The following FN1 variants were observed in gnomAD, a reference collection of about 807,000 sequenced individuals.
The protein encoded by FN1 is fibronectin 1.
Under a neutral mutation model 297.3 loss-of-function variants are expected in FN1, and 106 were observed. The observed-to-expected ratio is 0.36, with a 90% CI of 0.30 to 0.42. The LOEUF is 0.42. FN1 is among the 10% of genes least tolerant of loss of function. The pLI is 1.00. For synonymous variants in FN1, 1,149 were observed against 1,152.6 expected (o/e 1.00, Z 0.06); for missense variants, 2,690 against 3,124.9 (o/e 0.86, Z 3.32).
intron 26 of FN1, among the ~76,000 whole-genome samples, chr2:215,391,092 TCA>T (rs2059655411): frequency 6.6e-6 from 1 of 152,356 alleles, no homozygotes; most frequent in South Asian, 2.1e-4. Context: ...TTCTAAGCTC[TCA>T]GTCTTCTGAG....
At chr2:215,399,784 T>C (rs2106174850) in intron 20 of FN1, among the ~76,000 whole-genome samples, 1 of 152,308 alleles carries the variant, frequency 6.6e-6, no homozygotes, top group Admixed American at 6.5e-5. Flanking sequence ...ATATCGTCAG[T>C]GTAAAATCCC....
Position 215,397,743 on chromosome 2 carries a change from T to A in FN1, c.3454A>T (p.Thr1152Ser). 1 of 1,613,692 alleles carries A rather than the reference T, an allele frequency of 6.2e-7. No homozygotes were observed. The highest frequency in any genetic ancestry group is 8.5e-7 in the Non-Finnish European group (1 of 1,179,566). ...GLTPGVEYVY[T>S]IQVLRDGQER... ...TGTCCATCTCTCAGGACTTGGATGGTGTAGACGTATTCTACTCCTGGAGTC... is the reference window on the plus strand; with the variant it reads ...TGTCCATCTCTCAGGACTTGGATGGAGTAGACGTATTCTACTCCTGGAGTC... The change falls in exon 22 of 46, where the codon ACC (threonine) becomes TCC (serine). Residue 1152 changes from threonine (T) to serine (S), a missense_variant. Thr to Ser is a moderately conservative substitution (Grantham distance 58, BLOSUM62 1). Transcript: ENST00000354785.
At position 215,409,965 on chromosome 2, in the gene FN1, G is replaced by A. The variant is rs149878788; in HGVS notation, c.2091C>T (p.Phe697=). ...YGHQEVTRFD[F]TTTSTSTPVT... ...CAGGTGTGCTGGTGCTGGTGGTGGT[G>A]AAGTCAAAGCGAGTCACTTCTTGGT... The change falls in exon 14 of 46, where the codon TTC becomes TTT. Residue 697 remains phenylalanine (F), a synonymous_variant. Coordinates refer to ENST00000354785, the MANE Select transcript of FN1 (RefSeq NM_212482.4). 115 of 1,613,798 alleles carry A rather than the reference G, an allele frequency of 7.1e-5. No homozygotes were observed. The highest frequency in any genetic ancestry group is 1.7e-4 in the Middle Eastern group (1 of 5,952).
At chr2:215,407,967 C>G (rs1298441063) in intron 17 of FN1, 141 bp downstream of exon 17, 6 of 684,148 alleles carry the variant, frequency 8.8e-6, no homozygotes, top group Non-Finnish European at 1.6e-5. Flanking sequence ...CACACACACA[C>G]ACACACACAC....
intron 26 of FN1, among the ~76,000 whole-genome samples, chr2:215,391,237 C>CT (rs921254947): frequency 1.3e-5 from 2 of 152,106 alleles, no homozygotes; most frequent in East Asian, 3.9e-4. Flanking sequence ...ACTGCTGACA[C>CT]TTTTTTTATA....
intron 13 of FN1, among the ~76,000 whole-genome samples, chr2:215,411,430 C>A (rs1285373201): frequency 6.6e-6 from 1 of 152,202 alleles, no homozygotes; most frequent in African/African-American, 2.4e-5. Context: ...GTACTCTTCA[C>A]AGTGAAATTT....
chr2:215,414,580 TA>T, intron 13 of FN1: 1 of 714,818 alleles, frequency 1.4e-6, no homozygotes, highest in Middle Eastern at 4.7e-4. Flanking sequence ...AAGATTTCTG[TA>T]ACATAAAGAG....
chr2:215,381,170 C>T, intron 32 of FN1, 90 bp from the exon 33 acceptor site: 3 of 1,315,204 alleles, frequency 2.3e-6, no homozygotes, highest in Non-Finnish European at 3.3e-6. Flanking sequence ...TTGCAGATAC[C>T]ATTTTCTTTG....
chr2:215,411,902 C>T (rs1157195856), intron 13 of FN1, among the ~76,000 whole-genome samples: 4 of 152,032 alleles, frequency 2.6e-5, no homozygotes, highest in Non-Finnish European at 5.9e-5. Flanking sequence ...CTCTTGACCT[C>T]GTGATCCGCC....
rs76059988 is a variant in FN1 at position 215,394,980 on chromosome 2, T to C, written c.3605-261A>G. 7.7e-3 allele frequency among the ~76,000 whole-genome samples: 1,172 copies of C among 152,284 alleles called. 16 individuals carry two copies. Among genetic ancestry groups the C allele is most frequent in the African/African-American group, 0.027 (1,118 of 41,546 alleles). ...GTGCAGCGGTGTGATCTTGGCTCACTTCAACCTCCGCCAAGATCCTCACTT... is the reference window on the plus strand; with the variant it reads ...GTGCAGCGGTGTGATCTTGGCTCACCTCAACCTCCGCCAAGATCCTCACTT... On this transcript the variant is annotated intron_variant, in intron 23 of 45. Coordinates refer to ENST00000354785, the MANE Select transcript of FN1 (RefSeq NM_212482.4).
Position 215,435,937 on chromosome 2 carries a change from G to C in FN1, c.-135C>G. 6.9e-7 allele frequency: 1 copy of C among 1,442,074 alleles called. No individual in the cohort carries two copies. Among genetic ancestry groups the C allele is most frequent in the Non-Finnish European group, 9.1e-7 (1 of 1,099,488 alleles). 89.3% of individuals were successfully genotyped at this position (1,442,074 alleles called of 1,614,324 possible). On this transcript the variant is annotated 5_prime_UTR_variant, in exon 1 of 46. Coordinates refer to ENST00000354785, the MANE Select transcript of FN1 (RefSeq NM_212482.4). ...CGCCTCCAAGAAGGTGGGGGCCAGAGGGTGGGGAAGGGGACGGGTGGAGGG... is the reference window on the plus strand; with the variant it reads ...CGCCTCCAAGAAGGTGGGGGCCAGACGGTGGGGAAGGGGACGGGTGGAGGG...
chr2:215,364,061 T>C (rs888300016), intron 44 of FN1, among the ~76,000 whole-genome samples: 2 of 152,210 alleles, frequency 1.3e-5, no homozygotes, highest in Admixed American at 1.3e-4. Flanking sequence ...CAGTTCATGC[T>C]TCTCTTTCTT....
At position 215,408,332 on chromosome 2, in the gene FN1, C is replaced by T; in HGVS notation, c.2394G>A (p.Glu798=). 1 of 1,614,088 alleles carries T rather than the reference C, an allele frequency of 6.2e-7. No individual in the cohort carries two copies. The highest frequency in any genetic ancestry group is 8.5e-7 in the Non-Finnish European group (1 of 1,179,956). Residue 798 remains glutamate, a synonymous_variant, in exon 16 of 46, where the codon GAG becomes GAA. Transcript: ENST00000354785. Reference sequence around the variant, plus strand: ...GTGAAGTAGACAGGATCAAACTCTGCTCCCCATCCTCAGATATCTGATAGA... The same window carrying T: ...GTGAAGTAGACAGGATCAAACTCTGTTCCCCATCCTCAGATATCTGATAGA... ...VNVYQISEDG[E]QSLILSTSQT...
At chr2:215,428,121 G>A in intron 6 of FN1, 59 bp downstream of exon 6, 1 of 1,590,826 alleles carries the variant, frequency 6.3e-7, no homozygotes, top group Admixed American at 1.7e-5. Context: ...AGATGGATTT[G>A]CGGAAATATT....
At chr2:215,403,376 A>G (rs1039455767) in intron 20 of FN1, among the ~76,000 whole-genome samples, 1 of 152,212 alleles carries the variant, frequency 6.6e-6, no homozygotes, top group Non-Finnish European at 1.5e-5. Flanking sequence ...ATAGTTATTT[A>G]CAAACTAGGC....
At chr2:215,395,241 G>C (rs558012295) in intron 23 of FN1, among the ~76,000 whole-genome samples, 1 of 152,274 alleles carries the variant, frequency 6.6e-6, no homozygotes, top group South Asian at 2.1e-4. Flanking sequence ...AACCAAGAAA[G>C]GAGAAAAGGT....
intron 20 of FN1, among the ~76,000 whole-genome samples, chr2:215,401,095 CAAA>C (rs201488353): frequency 0.64 from 82,169 of 128,294 alleles, 24,119 homozygotes; most frequent in East Asian, 0.93. Context: ...CACACCTGGC[CAAA>C]AAAAAAAAAA....
chr2:215,409,503 C>G lies in FN1; in HGVS notation c.2299+60G>C, dbSNP rs533344662. On this transcript the variant is annotated intron_variant, in intron 15 of 45. Coordinates refer to ENST00000354785, the MANE Select transcript of FN1 (RefSeq NM_212482.4). Reference sequence around the variant, plus strand: ...CACCTGCCTAGAGGCCACCCACCCCCACAAGGAGAGTTTTCCAGCAGCTGC... The same window carrying G: ...CACCTGCCTAGAGGCCACCCACCCCGACAAGGAGAGTTTTCCAGCAGCTGC... The G allele has an allele frequency of 8.0e-5, 125 of 1,556,164 alleles. 3 individuals carry two copies. Among genetic ancestry groups the G allele is most frequent in the South Asian group, 6.8e-4 (61 of 89,674 alleles).
chr2:215,364,716 A>G, intron 44 of FN1, 163 bp downstream of exon 44: 2 of 665,392 alleles, frequency 3.0e-6, no homozygotes, highest in South Asian at 1.6e-5. Context: ...GTAGACATAG[A>G]GCTGCTCTAG....
Sources: gnomAD v4.1 joint callset for allele counts (sites outside exome capture counted in the v4.1 genomes callset) on GRCh38, gnomAD v4.1.1 for gene constraint, MANE v1.5 for transcripts, NCBI Gene and HGNC (gene_info 2026-07-23, HGNC 2026-07-21) for gene names.